OR1F1: variants seen among roughly 807,000 people sequenced by gnomAD.
The protein encoded by OR1F1 is olfactory receptor 1F1.
For synonymous variants in OR1F1, 184 were observed against 156.7 expected (o/e 1.17, Z -1.30); for missense variants, 493 against 376.3 (o/e 1.31, Z -2.57).
downstream of OR1F1, among the ~76,000 whole-genome samples, chr16:3,205,377 G>A (rs1037966839): frequency 1.4e-4 from 22 of 152,070 alleles, no homozygotes; most frequent in Non-Finnish European, 2.4e-4. Flanking sequence ...GTGCAGTGCC[G>A]TGATCTTGGC....
At chr16:3,202,071 T>G (rs140390442), upstream of OR1F1, among the ~76,000 whole-genome samples, 2 of 152,310 alleles carry the variant, frequency 1.3e-5, no homozygotes, top group East Asian at 3.9e-4. Flanking sequence ...GCCCTTGTAT[T>G]CTTTCCTGGG....
chr16:3,206,187 G>A (rs1013047804), downstream of OR1F1, among the ~76,000 whole-genome samples: 1 of 152,158 alleles, frequency 6.6e-6, no homozygotes, highest in African/African-American at 2.4e-5. Context: ...CTGGTCTCCT[G>A]CAGTACCCTC....
At chr16:3,193,243 C>T in the OR1F1 span, among the ~76,000 whole-genome samples, 1 of 152,200 alleles carries the variant, frequency 6.6e-6, no homozygotes, top group Non-Finnish European at 1.5e-5. Flanking sequence ...GATCTTTTGT[C>T]ATGCCCTGGA....
At chr16:3,203,556 G>A (rs999318600), upstream of OR1F1, among the ~76,000 whole-genome samples, 4 of 152,204 alleles carry the variant, frequency 2.6e-5, no homozygotes, top group Non-Finnish European at 5.9e-5. Flanking sequence ...ACGAGGTCAA[G>A]AGATAGAGAC....
At chr16:3,193,987 G>C in the OR1F1 span, among the ~76,000 whole-genome samples, 1 of 152,038 alleles carries the variant, frequency 6.6e-6, no homozygotes, top group Non-Finnish European at 1.5e-5. Context: ...TTCCACCTGG[G>C]GTAAGACAAC....
chr16:3,189,752 C>A, the OR1F1 span: 1 of 151,748 alleles, frequency 6.6e-6, no homozygotes, highest in Admixed American at 6.6e-5. Context: ...TTTTTAGATT[C>A]GGCTCGACTT....
the OR1F1 span, among the ~76,000 whole-genome samples, chr16:3,194,946 G>A: frequency 1.8e-4 from 27 of 152,318 alleles, 1 homozygote; most frequent in South Asian, 5.6e-3. Flanking sequence ...AGTGACTCCT[G>A]GGCATGAAAG....
the OR1F1 span, chr16:3,189,914 T>C: frequency 2.3e-5 from 1 of 42,560 alleles, no homozygotes. Context: ...TGACAAGCTA[T>C]TTTTTTTGTC....
At chr16:3,189,854 C>T in the OR1F1 span, 1 of 152,236 alleles carries the variant, frequency 6.6e-6, no homozygotes, top group Non-Finnish European at 1.5e-5. Flanking sequence ...CCCACTACCT[C>T]TTCTTAAAAT....
chr16:3,204,186 A>C (rs1446360614), upstream of OR1F1: 3 of 1,330,190 alleles, frequency 2.3e-6, no homozygotes, highest in Non-Finnish European at 3.1e-6. Context: ...CTTAACCAGC[A>C]TTTTCCAAGC....
chr16:3,199,092 C>A, the OR1F1 span, among the ~76,000 whole-genome samples: 8 of 116,574 alleles, frequency 6.9e-5, no homozygotes, highest in Admixed American at 7.2e-4. Flanking sequence ...CAGCCTGGGC[C>A]AGAAGGCAAG....
Position 3,205,011 on chromosome 16 carries a change from C to T in OR1F1, c.765C>T (p.Ile255=), listed in dbSNP as rs140186269. ...TGGTTCTCCTCTTCTACAGCACCATCATTGCTGTGTATTTTAACCCTCTGT... is the reference window on the plus strand; with the variant it reads ...TGGTTCTCCTCTTCTACAGCACCATTATTGCTGTGTATTTTAACCCTCTGT... The change falls in exon 1 of 1, where the codon ATC becomes ATT. Residue 255 remains isoleucine (I), a synonymous_variant. Coordinates refer to ENST00000304646, the Ensembl canonical transcript of OR1F1. The T allele has an allele frequency of 6.2e-6, 10 of 1,614,082 alleles. No individual in the cohort carries two copies. The Middle Eastern group carries it at 4.9e-4, about 80-fold the overall frequency.
At chr16:3,204,081 G>C (rs1958169505), upstream of OR1F1, among the ~76,000 whole-genome samples, 1 of 152,150 alleles carries the variant, frequency 6.6e-6, no homozygotes, top group African/African-American at 2.4e-5. Flanking sequence ...CTGTAAACCT[G>C]AGCCCTGAAC....
chr16:3,198,955 A>T, the OR1F1 span, among the ~76,000 whole-genome samples: 1 of 151,076 alleles, frequency 6.6e-6, no homozygotes, highest in Non-Finnish European at 1.5e-5. Flanking sequence ...AGATCTTGTC[A>T]CAAAAAACGA....
the OR1F1 span, among the ~76,000 whole-genome samples, chr16:3,188,949 G>A: frequency 1.3e-5 from 2 of 152,224 alleles, no homozygotes; most frequent in Non-Finnish European, 2.9e-5. Context: ...CAGCGTAGTT[G>A]GTGGCCTAAG....
exon 1 of OR1F1, chr16:3,204,793 C>T (rs1476374997): frequency 1.2e-6 from 2 of 1,614,162 alleles, no homozygotes; most frequent in South Asian, 1.1e-5. Flanking sequence ...CGATGTGACT[C>T]CCCTACTGAA....
chr16:3,205,338 C>A, downstream of OR1F1: 1 of 618,420 alleles, frequency 1.6e-6, no homozygotes, highest in Non-Finnish European at 2.7e-6. Context: ...TTTTTTGAGA[C>A]AGGGTCATGC....
rs759937151 is a variant in OR1F1 at position 3,204,782 on chromosome 16, G to A, written c.536G>A (p.Cys179Tyr). The A allele has an allele frequency of 1.9e-6, 3 of 1,613,942 alleles. No homozygotes were observed. In the African/African-American group the frequency reaches 4.0e-5, roughly 22 times the overall value. The change falls in exon 1 of 1, where the codon TGC (cysteine) becomes TAC (tyrosine). Residue 179 changes from cysteine to tyrosine, a missense_variant. Physicochemically the swap from Cys to Tyr is radical, Grantham distance 194. Coordinates refer to ENST00000304646, the Ensembl canonical transcript of OR1F1. Reference sequence around the variant, plus strand: ...GACAATGCCATCACTCACTTCTTCTGCGATGTGACTCCCCTACTGAAACTC... The same window carrying A: ...GACAATGCCATCACTCACTTCTTCTACGATGTGACTCCCCTACTGAAACTC...
chr16:3,194,033 C>CTT, the OR1F1 span, among the ~76,000 whole-genome samples: 5 of 152,038 alleles, frequency 3.3e-5, no homozygotes, highest in Non-Finnish European at 7.4e-5. Flanking sequence ...GGTATCACGC[C>CTT]TTTTAAAAAG....
Sources: gnomAD v4.1 joint callset for allele counts (sites outside exome capture counted in the v4.1 genomes callset) on GRCh38, gnomAD v4.1.1 for gene constraint, MANE v1.5 for transcripts, NCBI Gene and HGNC (gene_info 2026-07-23, HGNC 2026-07-21) for gene names.